Variants in SREBF2 observed in about 807,000 individuals in gnomAD.
SREBF2 encodes the protein sterol regulatory element binding transcription factor 2.
In SREBF2, 55 loss-of-function variants were observed where a neutral mutation model predicts 113.1. The ratio of observed to expected loss-of-function variants is 0.49; its 90% CI spans 0.39 to 0.61. The LOEUF (loss-of-function observed/expected upper bound fraction) is 0.61. Ranked by LOEUF, SREBF2 falls within the 20% of genes least tolerant of loss-of-function variation. The pLI, the probability that SREBF2 is intolerant of heterozygous loss-of-function variation, is 0.00. For missense variants in SREBF2, 1,349 were observed against 1,487.4 expected, an observed-to-expected ratio of 0.91 and a Z score of 1.53; for synonymous variants, 593 against 605.7, an observed-to-expected ratio of 0.98 and a Z score of 0.31.
chr22:41,888,278 A>T (rs2077318372), intron 11 of SREBF2, among the ~76,000 whole-genome samples: 1 of 152,186 alleles, frequency 6.6e-6, no homozygotes, highest in South Asian at 2.1e-4. Flanking sequence ...CTCTTTACAC[A>T]TATGTACCTA....
intron 1 of SREBF2, among the ~76,000 whole-genome samples, chr22:41,844,026 A>AT (rs2076853641): frequency 9.2e-6 from 1 of 108,480 alleles, no homozygotes; most frequent in Admixed American, 1.2e-4. Flanking sequence ...AAAAAAAAAA[A>AT]AATACATACA....
rs1484582223 is a variant in SREBF2 at position 41,848,737 on chromosome 22, C to G, written c.88+15379C>G. ...CCTATCTCTGTCTGCTACTCGCTCCCCACCTGCCTGAGATGGTGTGCAGGT... is the reference window on the plus strand; with the variant it reads ...CCTATCTCTGTCTGCTACTCGCTCCGCACCTGCCTGAGATGGTGTGCAGGT... On this transcript the variant is annotated intron_variant, in intron 1 of 18. Transcript: ENST00000361204. Among the ~76,000 whole-genome samples the G allele has an allele frequency of 2.6e-5, 4 of 152,238 alleles. No individual in the cohort carries two copies. The East Asian group carries it at 7.7e-4, about 29-fold the overall frequency.
chr22:41,890,021 G>T (rs1195396852), intron 11 of SREBF2, among the ~76,000 whole-genome samples: 1 of 151,790 alleles, frequency 6.6e-6, no homozygotes, highest in African/African-American at 2.4e-5. Context: ...GAATATTTTG[G>T]ATTCTTAATA....
chr22:41,855,642 CTT>C (rs779503508), intron 1 of SREBF2, among the ~76,000 whole-genome samples: 52 of 152,292 alleles, frequency 3.4e-4, no homozygotes, highest in South Asian at 1.2e-3. Context: ...TAACATCTAA[CTT>C]TACAGAATGG....
Position 41,877,959 on chromosome 22 carries a change from G to A in SREBF2, c.1597G>A (p.Asp533Asn), listed in dbSNP as rs200675940. 1,128 of 1,614,152 alleles carry A rather than the reference G, an allele frequency of 7.0e-4. 16 individuals carry two copies. Among genetic ancestry groups the A allele is most frequent in the South Asian group, 3.7e-3 (341 of 91,062 alleles). ...CTTCTTAGGTTCTGGGGGCTGGTTTGACTGGATGATGCCTACTCTTCTCTT... is the reference window on the plus strand; with the variant it reads ...CTTCTTAGGTTCTGGGGGCTGGTTTAACTGGATGATGCCTACTCTTCTCTT... ...SFESGSGGWF[D>N]WMMPTLLLWL... Residue 533 changes from aspartate (D) to asparagine (N), a missense_variant, in exon 9 of 19, where the codon GAC (aspartate) becomes AAC (asparagine). Asp to Asn is a conservative substitution (Grantham distance 23). Transcript: ENST00000361204.
chr22:41,847,551 T>A (rs1311766822), intron 1 of SREBF2, among the ~76,000 whole-genome samples: 1 of 152,328 alleles, frequency 6.6e-6, no homozygotes, highest in Admixed American at 6.5e-5. Flanking sequence ...CTGTCCAGTG[T>A]CAGGCTGTCT....
At chr22:41,836,729 TTAGA>T (rs2076779245) in intron 1 of SREBF2, among the ~76,000 whole-genome samples, 1 of 152,114 alleles carries the variant, frequency 6.6e-6, no homozygotes, top group Non-Finnish European at 1.5e-5. Flanking sequence ...TGGAGTTGGA[TTAGA>T]TCAAGGAAAT....
chr22:41,900,563 C>G, intron 16 of SREBF2, 65 bp downstream of exon 16: 1 of 1,525,892 alleles, frequency 6.6e-7, no homozygotes, highest in Admixed American at 1.7e-5. Context: ...AACACTCCCA[C>G]TCACCTCATG....
chr22:41,848,527 G>A (rs1207685926), intron 1 of SREBF2, among the ~76,000 whole-genome samples: 2 of 152,232 alleles, frequency 1.3e-5, no homozygotes, highest in African/African-American at 4.8e-5. Context: ...GCTGCAGCAA[G>A]GGTGGGGCTC....
chr22:41,905,530 C>G lies in SREBF2; in HGVS notation c.3296C>G (p.Pro1099Arg). 4 of 1,586,602 alleles carry G rather than the reference C, an allele frequency of 2.5e-6. No homozygotes were observed. Among genetic ancestry groups the G allele is most frequent in the Non-Finnish European group, 3.4e-6 (4 of 1,167,020 alleles). The stretch of plus-strand genomic sequence containing the variant: ...CTGCCCCTCTCCTTCCTCTCCTCCC[C>G]GGGCCAGCGGGCAGTGCTGCTGGCC... Reference protein sequence around the residue: ...RHLPLSFLSSPGQRAVLLAEA... With the variant: ...RHLPLSFLSSRGQRAVLLAEA... Residue 1099 changes from proline (P) to arginine (R), a missense_variant, in exon 19 of 19, where the codon CCG becomes CGG. Around this residue, in one of 2 missense-constraint regions of SREBF2, gnomAD observed 650 missense variants for 644.1 expected, o/e 1.01. Coordinates refer to ENST00000361204, the MANE Select transcript of SREBF2 (RefSeq NM_004599.4).
intron 2 of SREBF2, 41 bp from the exon 3 acceptor site, chr22:41,868,570 C>T (rs1304886395): frequency 2.4e-5 from 38 of 1,603,728 alleles, no homozygotes; most frequent in Non-Finnish European, 3.2e-5. Context: ...TGACAGAATG[C>T]ATTCCTCATC....
At chr22:41,838,862 G>A (rs569241960) in intron 1 of SREBF2, among the ~76,000 whole-genome samples, 18 of 152,294 alleles carry the variant, frequency 1.2e-4, no homozygotes, top group African/African-American at 3.1e-4. Context: ...AATTTGGATG[G>A]GAAGTGGCCC....
At chr22:41,872,111 A>G (rs1206390429) in intron 4 of SREBF2, among the ~76,000 whole-genome samples, 1 of 151,606 alleles carries the variant, frequency 6.6e-6, no homozygotes, top group East Asian at 2.0e-4. Flanking sequence ...TTAGCCGGGC[A>G]TGGTGGCGGG....
At chr22:41,886,235 A>G (rs1357143471) in intron 11 of SREBF2, 1 of 152,184 alleles carries the variant, frequency 6.6e-6, no homozygotes, top group African/African-American at 2.4e-5. Flanking sequence ...AAGACACATC[A>G]TTCTTCCTAT....
In SREBF2 at chr22:41,873,794, C is replaced by G; in HGVS notation, c.868-4C>G. 1 of 1,599,700 alleles carries G rather than the reference C, an allele frequency of 6.3e-7. No individual in the cohort carries two copies. Among genetic ancestry groups the G allele is most frequent in the Non-Finnish European group, 8.5e-7 (1 of 1,172,596 alleles). On this transcript the variant is annotated splice_region_variant and splice_polypyrimidine_tract_variant and intron_variant, in intron 4 of 18. Transcript: ENST00000361204. ...ATTCTGCTGTGTACCTGTCCCTATT[C>G]TAGACCCTGGTGGGCAGCAGTGGGA... is the stretch of plus-strand genomic sequence containing the variant.
At position 41,893,436 on chromosome 22, in the gene SREBF2, A is replaced by G. The variant is rs1213496912; in HGVS notation, c.2377+151A>G. The G allele has an allele frequency of 1.5e-5, 14 of 958,940 alleles. No homozygotes were observed. The East Asian group carries it at 3.4e-4, about 23-fold the overall frequency. The allele number at this position is 958,940 out of a possible 1,614,324, so 59.4% of individuals were successfully genotyped here. On this transcript the variant is annotated intron_variant, in intron 12 of 18. Coordinates refer to ENST00000361204, the MANE Select transcript of SREBF2 (RefSeq NM_004599.4). The stretch of plus-strand genomic sequence containing the variant: ...TTTGTTTGTTTGTTTGTTTGAACCA[A>G]AGCTCAGGGAGGTTGAGTAACTTGC...
intron 1 of SREBF2, among the ~76,000 whole-genome samples, chr22:41,864,223 C>CATATATAT (rs756489276): frequency 0.025 from 1,141 of 46,124 alleles, 17 homozygotes; most frequent in Non-Finnish European, 0.031. Flanking sequence ...CTTCTGCAAG[C>CATATATAT]ATATATATAT....
At chr22:41,883,829 C>T (rs1157802246) in intron 10 of SREBF2, among the ~76,000 whole-genome samples, 1 of 152,192 alleles carries the variant, frequency 6.6e-6, no homozygotes, top group Non-Finnish European at 1.5e-5. Flanking sequence ...ACTGTCTGCA[C>T]CTTGACATGG....
At chr22:41,886,468 A>G (rs1489405069) in intron 11 of SREBF2, among the ~76,000 whole-genome samples, 2 of 152,298 alleles carry the variant, frequency 1.3e-5, no homozygotes, top group African/African-American at 2.4e-5. Flanking sequence ...ATGCCCCCCA[A>G]AAATGTTTTG....
Sources: gnomAD v4.1 joint callset for allele counts (sites outside exome capture counted in the v4.1 genomes callset) on GRCh38, gnomAD v4.1.1 for gene constraint, gnomAD v4.1.1 regional missense constraint, MANE v1.5 for transcripts, NCBI Gene and HGNC (gene_info 2026-07-23, HGNC 2026-07-21) for gene names.